DZIP3: variants seen among roughly 807,000 people sequenced by gnomAD.
The protein encoded by DZIP3 is DAZ interacting zinc finger protein 3.
A neutral mutation model predicts 162.0 loss-of-function variants in DZIP3; 118 were observed. The ratio of observed to expected loss-of-function variants is 0.73; its 90% CI spans 0.63 to 0.85. The LOEUF is 0.85. DZIP3 is among the 40% of genes least tolerant of loss of function. DZIP3 has a pLI of 0.00. For missense variants in DZIP3, 1,331 were observed against 1,407.0 expected, an observed-to-expected ratio of 0.95 and a Z score of 0.86; for synonymous variants, 438 against 458.6, an observed-to-expected ratio of 0.96 and a Z score of 0.57.
chr3:108,620,710 TG>T (rs1465391750), intron 5 of DZIP3, among the ~76,000 whole-genome samples: 1 of 152,188 alleles, frequency 6.6e-6, no homozygotes, highest in African/African-American at 2.4e-5. Flanking sequence ...AATATCCACA[TG>T]GTTTAATTTT....
chr3:108,640,778 C>T (rs932869449), intron 12 of DZIP3, among the ~76,000 whole-genome samples: 3 of 151,956 alleles, frequency 2.0e-5, no homozygotes, highest in Admixed American at 1.3e-4. Flanking sequence ...AATATTCTTG[C>T]CTTAAGTGTT....
intron 32 of DZIP3, among the ~76,000 whole-genome samples, chr3:108,692,779 C>G (rs1944745100): frequency 6.6e-6 from 1 of 151,918 alleles, no homozygotes; most frequent in South Asian, 2.1e-4. Context: ...CAAGTTCCCC[C>G]AGTTTATTAC....
chr3:108,601,078 C>G (rs1939987820), intron 1 of DZIP3, among the ~76,000 whole-genome samples: 1 of 152,172 alleles, frequency 6.6e-6, no homozygotes, highest in South Asian at 2.1e-4. Flanking sequence ...TGTATAATAT[C>G]AGGATGGTCT....
chr3:108,606,275 A>G (rs947520843), intron 2 of DZIP3, among the ~76,000 whole-genome samples: 1 of 152,212 alleles, frequency 6.6e-6, no homozygotes, highest in East Asian at 1.9e-4. Flanking sequence ...GGGCAAGTTC[A>G]GCCCACCTCT....
chr3:108,677,599 G>T lies in DZIP3; in HGVS notation c.2883+1G>T. The T allele has an allele frequency of 6.2e-7, 1 of 1,610,272 alleles. No homozygotes were observed. Among genetic ancestry groups the T allele is most frequent in the Non-Finnish European group, 8.5e-7 (1 of 1,177,096 alleles). ...TCCACCACCCAGTCCTGAGATACTG[G>T]TAAGAAATACAACATTTTGAATAAT... On this transcript the variant is annotated splice_donor_variant, in intron 26 of 32. Coordinates refer to ENST00000361582, the MANE Select transcript of DZIP3 (RefSeq NM_014648.4). LOFTEE classifies it high-confidence loss of function.
chr3:108,669,723 C>T lies in DZIP3; in HGVS notation c.2466C>T (p.Asn822=). ...ATGCTAAAGATAATGAAATCAAGAA[C>T]CTTAAAGAGCAACTTTCTATGAAAA... ...QIHAKDNEIK[N]LKEQLSMKRS... The change falls in exon 22 of 33, where the codon AAC becomes AAT. Residue 822 remains asparagine, a synonymous_variant. Transcript: ENST00000361582. 1 of 1,611,074 alleles carries T rather than the reference C, an allele frequency of 6.2e-7. No individual in the cohort carries two copies. The highest frequency in any genetic ancestry group is 8.5e-7 in the Non-Finnish European group (1 of 1,178,272).
chr3:108,688,206 A>G lies in DZIP3; in HGVS notation c.3270+110A>G, dbSNP rs909708604. ...TTCAGAAAATCAGTAACTTGTAATC[A>G]TATTAAATCATCTATTAACAGTAAA... On this transcript the variant is annotated intron_variant, in intron 29 of 32. Coordinates refer to ENST00000361582, the MANE Select transcript of DZIP3 (RefSeq NM_014648.4). The G allele has an allele frequency of 9.0e-5, 119 of 1,316,646 alleles. No homozygotes were observed. The South Asian group carries it at 1.7e-3, about 19-fold the overall frequency. The allele number at this position is 1,316,646 out of a possible 1,614,324, so 81.6% of individuals were successfully genotyped here.
intron 23 of DZIP3, 61 bp downstream of exon 23, chr3:108,672,717 C>T: frequency 8.1e-7 from 1 of 1,232,350 alleles, no homozygotes; most frequent in Non-Finnish European, 1.2e-6. Context: ...TGTATACCAT[C>T]ATACTAAAGA....
rs376867228 is a variant in DZIP3, at chr3:108,672,533, C to T, written c.2493-27C>T. 1.3e-5 allele frequency: 20 copies of T among 1,567,228 alleles called. No homozygotes were observed. The African/African-American group carries it at 2.0e-4, about 16-fold the overall frequency. On this transcript the variant is annotated intron_variant, in intron 22 of 32. Coordinates refer to ENST00000361582, the MANE Select transcript of DZIP3 (RefSeq NM_014648.4). ...AAAGGCTCTGCTTGATGTAATATTG[C>T]GAGTCTTTAATGATCATGTATTTCA...
Position 108,686,454 on chromosome 3 carries a change from A to G in DZIP3, c.3019A>G (p.Ile1007Val). The change falls in exon 28 of 33, where the codon ATA (isoleucine) becomes GTA (valine). Residue 1007 changes from isoleucine (I) to valine (V), a missense_variant. Coordinates refer to ENST00000361582, the MANE Select transcript of DZIP3 (RefSeq NM_014648.4). The part of the protein sequence containing the change: ...GQPRAPLMTG[I>V]AWALPAPVGD... Reference sequence around the variant, plus strand: ...TCTCTGCCTCTTACAGATGACTGGCATAGCCTGGGCTCTGCCAGCGCCTGT... The same window carrying G: ...TCTCTGCCTCTTACAGATGACTGGCGTAGCCTGGGCTCTGCCAGCGCCTGT... 1 of 1,586,746 alleles carries G rather than the reference A, an allele frequency of 6.3e-7. No homozygotes were observed. Among genetic ancestry groups the G allele is most frequent in the Non-Finnish European group, 8.5e-7 (1 of 1,170,118 alleles).
chr3:108,647,379 C>T (rs1311333123), intron 15 of DZIP3, among the ~76,000 whole-genome samples: 1 of 151,418 alleles, frequency 6.6e-6, no homozygotes, highest in Non-Finnish European at 1.5e-5. Context: ...TTAAAAAAAA[C>T]ACCACCACAG....
intron 3 of DZIP3, among the ~76,000 whole-genome samples, chr3:108,609,616 T>C (rs1203972160): frequency 2.0e-5 from 3 of 152,132 alleles, no homozygotes; most frequent in African/African-American, 4.8e-5. Flanking sequence ...GTGGGCGGAT[T>C]GATTGCTTAA....
intron 10 of DZIP3, among the ~76,000 whole-genome samples, 159 bp downstream of exon 10, chr3:108,635,131 A>G (rs952743807): frequency 6.0e-5 from 9 of 150,578 alleles, no homozygotes; most frequent in African/African-American, 1.5e-4. Flanking sequence ...TTCTTTCCCA[A>G]TTCTCTCTGA....
chr3:108,614,224 ATAAG>A, intron 4 of DZIP3, among the ~76,000 whole-genome samples: 1 of 152,328 alleles, frequency 6.6e-6, no homozygotes, highest in South Asian at 2.1e-4. Flanking sequence ...CAAATGCGTA[ATAAG>A]TATGTCCAAA....
chr3:108,612,745 C>T (rs1940787509), intron 4 of DZIP3, among the ~76,000 whole-genome samples: 1 of 151,866 alleles, frequency 6.6e-6, no homozygotes, highest in Non-Finnish European at 1.5e-5. Context: ...ACTGTATTGT[C>T]TTTTCAATTT....
rs1944022068 is a variant in DZIP3 at position 108,674,271 on chromosome 3, A to G, written c.2693+90A>G. The G allele has an allele frequency of 8.1e-6, 9 of 1,106,208 alleles. No individual in the cohort carries two copies. In the South Asian group the frequency reaches 1.1e-4, roughly 13 times the overall value. 68.5% of individuals were successfully genotyped at this position (1,106,208 alleles called of 1,614,324 possible). A position where few individuals can be genotyped will look rare whatever the true frequency, so the allele number is the denominator to read the frequency against. On this transcript the variant is annotated intron_variant, in intron 24 of 32. Coordinates refer to ENST00000361582, the MANE Select transcript of DZIP3 (RefSeq NM_014648.4). ...GAATATAATCTGTGATGTGTTTTACATATGTGACATCAGAGTTCTTAAAGA... is the reference window on the plus strand; with the variant it reads ...GAATATAATCTGTGATGTGTTTTACGTATGTGACATCAGAGTTCTTAAAGA...
intron 5 of DZIP3, among the ~76,000 whole-genome samples, chr3:108,622,735 A>G (rs1205154906): frequency 6.6e-6 from 1 of 152,090 alleles, no homozygotes; most frequent in African/African-American, 2.4e-5. Context: ...GCAGATTCAT[A>G]GAGGTACCAT....
In DZIP3 at chr3:108,688,709, T is replaced by C. The variant is rs771796973; in HGVS notation, c.3387T>C (p.Pro1129=). Residue 1129 remains proline (P), a synonymous_variant, in exon 30 of 33, where the codon CCT becomes CCC. Transcript: ENST00000361582. The part of the protein sequence containing the change: ...PAWRPLTSQG[P]ATWEGASNPD... ...GGAGGCCACTCACTTCACAGGGTCCTGCCACATGGGAAGGAGCCAGTAATC... is the reference window on the plus strand; with the variant it reads ...GGAGGCCACTCACTTCACAGGGTCCCGCCACATGGGAAGGAGCCAGTAATC... 2.5e-6 allele frequency: 4 copies of C among 1,614,098 alleles called. No individual in the cohort carries two copies. The highest frequency in any genetic ancestry group is 1.7e-5 in the Admixed American group (1 of 60,020).
chr3:108,679,476 C>T (rs1944226313), intron 26 of DZIP3, among the ~76,000 whole-genome samples: 1 of 152,048 alleles, frequency 6.6e-6, no homozygotes, highest in South Asian at 2.1e-4. Flanking sequence ...GAGGGGTTCA[C>T]CTGTATCTTT....
Sources: allele counts gnomAD v4.1 joint callset (sites outside exome capture counted in the v4.1 genomes callset), GRCh38; gene constraint gnomAD v4.1.1; transcripts MANE v1.5; gene names NCBI Gene and HGNC (gene_info 2026-07-23, HGNC 2026-07-21).